Variants in CDH4 observed in about 807,000 individuals in gnomAD.
CDH4 encodes cadherin-4.
CDH4 carries 33 observed loss-of-function variants against 86.0 expected under a neutral mutation model. That is an observed-to-expected ratio of 0.38 (90% CI 0.29 to 0.51). The LOEUF (loss-of-function observed/expected upper bound fraction) is 0.51, where lower values mean the gene tolerates loss of function less well. Ranked by LOEUF, CDH4 falls within the 20% of genes least tolerant of loss-of-function variation. The pLI is 0.86. For synonymous variants in CDH4, 555 were observed against 549.4 expected (o/e 1.01, Z -0.14); for missense variants, 1,114 against 1,307.4 (o/e 0.85, Z 2.28).
At chr20:61,800,779 G>A (rs2146031323) in intron 4 of CDH4, among the ~76,000 whole-genome samples, 1 of 152,372 alleles carries the variant, frequency 6.6e-6, no homozygotes, top group Middle Eastern at 3.4e-3. Context: ...CTGGGAGACA[G>A]ATGGGCTGGA....
At chr20:61,770,413 A>G (rs150396872) in intron 3 of CDH4, among the ~76,000 whole-genome samples, 1,718 of 152,284 alleles carry the variant, frequency 0.011, 22 homozygotes, top group Non-Finnish European at 0.017. Context: ...CTCATATCCT[A>G]CTGCCTCTGC....
At chr20:61,504,158 C>T (rs545509396) in intron 2 of CDH4, among the ~76,000 whole-genome samples, 8 of 152,292 alleles carry the variant, frequency 5.3e-5, no homozygotes, top group South Asian at 4.1e-4. Context: ...CCTCAGATCC[C>T]GCAGGTAGTA....
chr20:61,256,920 T>G (rs1255604086), intron 2 of CDH4, among the ~76,000 whole-genome samples: 1 of 152,198 alleles, frequency 6.6e-6, no homozygotes, highest in Non-Finnish European at 1.5e-5. Flanking sequence ...CAAATAATTT[T>G]GCACATATGG....
intron 7 of CDH4, among the ~76,000 whole-genome samples, chr20:61,886,143 C>G (rs1984529455): frequency 6.6e-6 from 1 of 152,200 alleles, no homozygotes; most frequent in Non-Finnish European, 1.5e-5. Context: ...TGCTTGCAGC[C>G]TGGCAGATGA....
chr20:61,932,058 AG>A (rs1481974659), intron 13 of CDH4, among the ~76,000 whole-genome samples: 1 of 152,078 alleles, frequency 6.6e-6, no homozygotes, highest in African/African-American at 2.4e-5. Context: ...CTATCCTCCC[AG>A]GGCAGAGCCT....
intron 2 of CDH4, among the ~76,000 whole-genome samples, chr20:61,669,680 T>C (rs1037812205): frequency 6.6e-6 from 1 of 152,220 alleles, no homozygotes; most frequent in African/African-American, 2.4e-5. Flanking sequence ...GCCAGAGTGA[T>C]CTTTTTCTTT....
chr20:61,780,296 C>A (rs963036472), intron 4 of CDH4, among the ~76,000 whole-genome samples: 3 of 152,188 alleles, frequency 2.0e-5, no homozygotes, highest in Admixed American at 6.5e-5. Context: ...GCACCCAACA[C>A]TCCCCTCAGC....
At chr20:61,632,871 T>TCCATCCACTCAC (rs1342318465) in intron 2 of CDH4, among the ~76,000 whole-genome samples, 6 of 51,322 alleles carry the variant, frequency 1.2e-4, no homozygotes, top group Non-Finnish European at 1.8e-4. Flanking sequence ...CACTCACTTC[T>TCCATCCACTCAC]CCATCCACTC....
chr20:61,546,487 C>T (rs1024966797), intron 2 of CDH4, among the ~76,000 whole-genome samples: 4 of 151,768 alleles, frequency 2.6e-5, no homozygotes, highest in Non-Finnish European at 5.9e-5. Context: ...TGACTCGCAA[C>T]ATTTTGTAAA....
chr20:61,767,832 A>G (rs74434718), intron 3 of CDH4, among the ~76,000 whole-genome samples: 3,093 of 152,300 alleles, frequency 0.02, 40 homozygotes, highest in Non-Finnish European at 0.034. Flanking sequence ...CATGGGAGAT[A>G]AAAGTAGGAC....
intron 2 of CDH4, among the ~76,000 whole-genome samples, chr20:61,613,189 C>T (rs1021090456): frequency 1.3e-5 from 2 of 152,096 alleles, no homozygotes; most frequent in African/African-American, 4.8e-5. Flanking sequence ...TGGTTTCACA[C>T]TCTCTGTCCC....
At chr20:61,294,998 G>A (rs1034772228) in intron 2 of CDH4, among the ~76,000 whole-genome samples, 7 of 152,354 alleles carry the variant, frequency 4.6e-5, no homozygotes, top group Admixed American at 2.6e-4. Flanking sequence ...GTGAGCCCGC[G>A]AGAATGTCCC....
At chr20:61,270,565 G>T (rs554678286) in intron 2 of CDH4, among the ~76,000 whole-genome samples, 9 of 152,236 alleles carry the variant, frequency 5.9e-5, no homozygotes, top group African/African-American at 1.9e-4. Context: ...GGACTGACCC[G>T]CACAGACGTG....
At position 61,676,733 on chromosome 20, in the gene CDH4, T is replaced by C. The variant is rs61689962; in HGVS notation, c.170-66830T>C. 6.1e-3 allele frequency among the ~76,000 whole-genome samples: 928 copies of C among 152,318 alleles called. 8 individuals carry two copies. Among genetic ancestry groups the C allele is most frequent in the African/African-American group, 0.021 (858 of 41,572 alleles). Reference sequence around the variant, plus strand: ...ATGATAAACCTTGATGTAATACAAATGTAAATGATGCTGCATTTCAGAAGG... The same window carrying C: ...ATGATAAACCTTGATGTAATACAAACGTAAATGATGCTGCATTTCAGAAGG... On this transcript the variant is annotated intron_variant, in intron 2 of 15. Transcript: ENST00000614565. The surrounding 1 kb of genome is among the most constrained non-coding windows in gnomAD (Gnocchi z 4.5).
At chr20:61,528,329 A>G (rs1345138179) in intron 2 of CDH4, among the ~76,000 whole-genome samples, 1 of 146,726 alleles carries the variant, frequency 6.8e-6, no homozygotes, top group Non-Finnish European at 1.5e-5. Context: ...GTGAGCCGAG[A>G]TCATGCCATT....
intron 2 of CDH4, among the ~76,000 whole-genome samples, chr20:61,714,519 C>T (rs1757956581): frequency 6.6e-6 from 1 of 152,130 alleles, no homozygotes; most frequent in African/African-American, 2.4e-5. Flanking sequence ...ATGTAGTGGA[C>T]ATTGTACCCA....
At chr20:61,381,204 A>T (rs1394433834) in intron 2 of CDH4, among the ~76,000 whole-genome samples, 1 of 152,174 alleles carries the variant, frequency 6.6e-6, no homozygotes. Context: ...GAAGCTGTCA[A>T]GTGTCCTGCC....
rs114432129 is a variant in CDH4 at position 61,501,282 on chromosome 20, C to G, written c.170-242281C>G. ...ATCATTCCTTGAAGCCTGCAGCCTGCGATAATACAGCTAATACATTATTGC... is the reference window on the plus strand; with the variant it reads ...ATCATTCCTTGAAGCCTGCAGCCTGGGATAATACAGCTAATACATTATTGC... On this transcript the variant is annotated intron_variant, in intron 2 of 15. Coordinates refer to ENST00000614565, the MANE Select transcript of CDH4 (RefSeq NM_001794.5). The surrounding 1 kb of genome is among the most constrained non-coding windows in gnomAD (Gnocchi z 4.2). 6.6e-6 allele frequency among the ~76,000 whole-genome samples: 1 copy of G among 152,096 alleles called. No homozygotes were observed. Among genetic ancestry groups the G allele is most frequent in the Non-Finnish European group, 1.5e-5 (1 of 68,026 alleles).
intron 2 of CDH4, among the ~76,000 whole-genome samples, chr20:61,572,209 A>G (rs1166448023): frequency 6.6e-6 from 1 of 152,154 alleles, no homozygotes; most frequent in African/African-American, 2.4e-5. Flanking sequence ...GTTAAGTCCA[A>G]TTTCACTTTA....
Sources: allele counts gnomAD v4.1 joint callset (sites outside exome capture counted in the v4.1 genomes callset), GRCh38; gene constraint gnomAD v4.1.1; non-coding constraint Gnocchi (gnomAD v3.1); transcripts MANE v1.5; gene names NCBI Gene and HGNC (gene_info 2026-07-23, HGNC 2026-07-21).